Variants in MARCHF1 observed in about 807,000 individuals in gnomAD.
MARCHF1 encodes E3 ubiquitin-protein ligase MARCHF1.
Under a neutral mutation model 54.2 loss-of-function variants are expected in MARCHF1, and 40 were observed. The ratio of observed to expected loss-of-function variants is 0.74; its 90% CI spans 0.57 to 0.96. The LOEUF (loss-of-function observed/expected upper bound fraction) is 0.96, where lower values mean the gene tolerates loss of function less well. MARCHF1 is among the 40% of genes least tolerant of loss of function. The pLI, the probability that MARCHF1 is intolerant of heterozygous loss-of-function variation, is 0.00. For synonymous variants in MARCHF1, 236 were observed against 236.3 expected (o/e 1.00, Z 0.01); for missense variants, 586 against 656.5 (o/e 0.89, Z 1.17).
At chr4:164,242,272 T>G (rs1336715008) in intron 1 of MARCHF1, among the ~76,000 whole-genome samples, 1 of 143,954 alleles carries the variant, frequency 6.9e-6, no homozygotes, top group Non-Finnish European at 1.5e-5. Flanking sequence ...AGCACGCAGC[T>G]GGAGATCTGA....
chr4:163,774,659 TA>T (rs1561070503), intron 4 of MARCHF1, among the ~76,000 whole-genome samples: 1 of 152,088 alleles, frequency 6.6e-6, no homozygotes, highest in African/African-American at 2.4e-5. Flanking sequence ...CAAGCCCAGC[TA>T]ATTTTTTCTA....
chr4:163,966,976 TA>T (rs1408460352), intron 3 of MARCHF1, among the ~76,000 whole-genome samples: 1 of 152,068 alleles, frequency 6.6e-6, no homozygotes, highest in Non-Finnish European at 1.5e-5. Flanking sequence ...GTTGGGCTTT[TA>T]AAAAACCAAA....
intron 5 of MARCHF1, among the ~76,000 whole-genome samples, chr4:163,694,295 G>A (rs1238552507): frequency 6.6e-6 from 1 of 152,078 alleles, no homozygotes; most frequent in African/African-American, 2.4e-5. Flanking sequence ...TGGCTTCTGG[G>A]TGCTTTTGTT....
At chr4:164,120,159 A>G (rs1756035906) in intron 1 of MARCHF1, among the ~76,000 whole-genome samples, 1 of 152,098 alleles carries the variant, frequency 6.6e-6, no homozygotes, top group African/African-American at 2.4e-5. Flanking sequence ...TTCTATGCCA[A>G]TGGAAACCAA....
At chr4:164,217,050 A>C (rs1731954815) in intron 1 of MARCHF1, among the ~76,000 whole-genome samples, 1 of 152,160 alleles carries the variant, frequency 6.6e-6, no homozygotes, top group African/African-American at 2.4e-5. Flanking sequence ...AAAAAATTTA[A>C]AAACCTATAG....
chr4:164,356,132 A>C (rs1730524207), intron 1 of MARCHF1, among the ~76,000 whole-genome samples: 1 of 121,622 alleles, frequency 8.2e-6, no homozygotes, highest in South Asian at 2.6e-4. Context: ...GCTGGAGAGG[A>C]TGTGGAGAAA....
intron 1 of MARCHF1, among the ~76,000 whole-genome samples, chr4:164,359,408 A>G (rs1730660060): frequency 6.6e-6 from 1 of 152,190 alleles, no homozygotes; most frequent in Non-Finnish European, 1.5e-5. Flanking sequence ...TTTCTGCTAC[A>G]CTTCAAGATA....
intron 2 of MARCHF1, among the ~76,000 whole-genome samples, chr4:164,092,709 A>T (rs1755330424): frequency 2.0e-5 from 3 of 152,128 alleles, no homozygotes. Flanking sequence ...ATACTGTTTT[A>T]ATTTAATTGG....
intron 6 of MARCHF1, 136 bp from the exon 7 acceptor site, chr4:163,613,174 A>C: frequency 8.1e-7 from 1 of 1,231,944 alleles, no homozygotes; most frequent in South Asian, 1.7e-5. Flanking sequence ...AAAATGAACT[A>C]AATGAAAAAA....
intron 3 of MARCHF1, among the ~76,000 whole-genome samples, chr4:163,971,272 AAATG>A (rs1419782230): frequency 1.3e-5 from 2 of 152,220 alleles, no homozygotes; most frequent in Non-Finnish European, 2.9e-5. Flanking sequence ...AAATTCAGAC[AAATG>A]GTAGAGCCAT....
At chr4:163,832,821 C>A (rs1005038193) in intron 4 of MARCHF1, among the ~76,000 whole-genome samples, 2 of 90,738 alleles carry the variant, frequency 2.2e-5, no homozygotes, top group African/African-American at 6.6e-5. Context: ...TTCCCACCTA[C>A]GAGTGAGAAC....
At chr4:163,744,392 T>C (rs530856837) in intron 4 of MARCHF1, among the ~76,000 whole-genome samples, 2 of 152,342 alleles carry the variant, frequency 1.3e-5, no homozygotes, top group South Asian at 2.1e-4. Flanking sequence ...GGACCTCTTA[T>C]ATAGTAAGTA....
chr4:163,602,758 T>A (rs1030497751), intron 7 of MARCHF1, among the ~76,000 whole-genome samples: 1 of 152,126 alleles, frequency 6.6e-6, no homozygotes, highest in African/African-American at 2.4e-5. Flanking sequence ...GAACAGCTTA[T>A]CTTTTACTTG....
At chr4:164,294,331 A>G (rs1360252178) in intron 1 of MARCHF1, among the ~76,000 whole-genome samples, 1 of 152,186 alleles carries the variant, frequency 6.6e-6, no homozygotes, top group African/African-American at 2.4e-5. Context: ...ATATACATTT[A>G]TCTTATACCT....
intron 1 of MARCHF1, chr4:164,197,411 T>C (rs1731306214): frequency 6.2e-7 from 1 of 1,613,502 alleles, no homozygotes; most frequent in East Asian, 2.2e-5. Flanking sequence ...GGCTCTATTG[T>C]GCTGAGGTCT....
chr4:163,846,384 C>CA (rs1749485329), intron 4 of MARCHF1, among the ~76,000 whole-genome samples: 1 of 152,112 alleles, frequency 6.6e-6, no homozygotes, highest in African/African-American at 2.4e-5. Context: ...TGGGTTCCAA[C>CA]AGAGGCTATG....
intron 4 of MARCHF1, among the ~76,000 whole-genome samples, chr4:163,790,557 G>C (rs1017382840): frequency 1.3e-5 from 2 of 152,084 alleles, no homozygotes; most frequent in African/African-American, 4.8e-5. Flanking sequence ...GCATTTCACA[G>C]TAAAATCAGA....
chr4:164,001,444 A>C lies in MARCHF1; in HGVS notation c.-247-12735T>G, dbSNP rs376994197. On this transcript the variant is annotated intron_variant, in intron 2 of 9. Transcript: ENST00000514618. Reference sequence around the variant, plus strand: ...AGGAAGCAGTAGGAGGTTAAAAATGAAGGTTGGGAGATTTGTTCCTCTATT... The same window carrying C: ...AGGAAGCAGTAGGAGGTTAAAAATGCAGGTTGGGAGATTTGTTCCTCTATT... 1.3e-5 allele frequency among the ~76,000 whole-genome samples: 2 copies of C among 151,822 alleles called. 1 individual carries two copies. The highest frequency in any genetic ancestry group is 4.1e-4 in the South Asian group (2 of 4,832).
At chr4:164,038,919 A>G (rs1201707352) in intron 2 of MARCHF1, among the ~76,000 whole-genome samples, 1 of 152,212 alleles carries the variant, frequency 6.6e-6, no homozygotes, top group Non-Finnish European at 1.5e-5. Context: ...AATTTACATA[A>G]TTGATGATGA....
Sources: allele counts gnomAD v4.1 joint callset (sites outside exome capture counted in the v4.1 genomes callset), GRCh38; gene constraint gnomAD v4.1.1; transcripts MANE v1.5; gene names NCBI Gene and HGNC (gene_info 2026-07-23, HGNC 2026-07-21).